GAA: variants seen among roughly 807,000 people sequenced by gnomAD.
The protein encoded by GAA is lysosomal alpha-glucosidase.
In GAA, 88 loss-of-function variants were observed where a neutral mutation model predicts 103.9. The observed-to-expected ratio is 0.85, with a 90% CI of 0.71 to 1.01. The LOEUF is 1.01. Among genes scored for constraint, GAA ranks in the 50% least tolerant of loss-of-function variants. GAA has a pLI of 0.00. For synonymous variants in GAA, 572 were observed against 563.1 expected (o/e 1.02, Z -0.22); for missense variants, 1,350 against 1,305.3 (o/e 1.03, Z -0.53).
intron 3 of GAA, 72 bp downstream of exon 3, chr17:80,105,966 A>G: frequency 6.6e-7 from 1 of 1,516,086 alleles, no homozygotes; most frequent in Non-Finnish European, 8.8e-7. Flanking sequence ...GGAGGGCCAC[A>G]CGCGTTTGTT....
chr17:80,118,798 A>G lies in GAA; in HGVS notation c.2792A>G (p.Asp931Gly), dbSNP rs1272217831. 1 of 1,613,114 alleles carries G rather than the reference A, an allele frequency of 6.2e-7. No individual in the cohort carries two copies. The highest frequency in any genetic ancestry group is 2.2e-5 in the East Asian group (1 of 44,870). The change falls in exon 19 of 20, where the codon GAC (aspartate) becomes GGC (glycine). Residue 931 changes from aspartate (D) to glycine (G), a missense_variant. Transcript: ENST00000302262. Reference protein sequence around the residue: ...VPVSNFTYSPDTKVLDICVSL... With the variant: ...VPVSNFTYSPGTKVLDICVSL... The stretch of plus-strand genomic sequence containing the variant: ...GTCTCCAACTTCACCTACAGCCCCG[A>G]CACCAAGGCAAGAGGGCCCAGAGTG...
rs182057081 is a variant in GAA, at chr17:80,104,107, A to C, written c.-32-448A>C. On this transcript the variant is annotated intron_variant, in intron 1 of 19. Transcript: ENST00000302262. This position sits in a 1 kb window ranked among gnomAD's most constrained non-coding sequence, Gnocchi z 4.0. The stretch of plus-strand genomic sequence containing the variant: ...GGCAAAATCCCGTCTCTACAAAAAT[A>C]CAGAAAATTAGCTGGGTGCGGTGGT... Among the ~76,000 whole-genome samples the C allele has an allele frequency of 6.3e-3, 955 of 152,238 alleles. 19 individuals are homozygous for C. Among genetic ancestry groups the C allele is most frequent in the Non-Finnish European group, 6.2e-3 (421 of 68,006 alleles).
rs1053461797 is a variant in GAA at position 80,119,618 on chromosome 17, G to A, written c.*287G>A. 11 of 431,584 alleles carry A rather than the reference G, an allele frequency of 2.5e-5. No individual in the cohort carries two copies. Among genetic ancestry groups the A allele is most frequent in the Admixed American group, 6.9e-5 (2 of 28,786 alleles). 26.7% of individuals were successfully genotyped at this position (431,584 alleles called of 1,614,324 possible). ...AGGTTTGCCCTCCTCACCTGTTGCC[G>A]GCATGCGGGTAGTATTAGCCACCCC... is the stretch of plus-strand genomic sequence containing the variant. On this transcript the variant is annotated 3_prime_UTR_variant, in exon 20 of 20. Transcript: ENST00000302262.
Position 80,107,334 on chromosome 17 carries a change from G to A in GAA, c.693-223G>A, listed in dbSNP as rs564016036. Among the ~76,000 whole-genome samples, 50 of 152,308 alleles carry A rather than the reference G, an allele frequency of 3.3e-4. 1 individual carries two copies. The highest frequency in any genetic ancestry group is 3.4e-3 in the Middle Eastern group (1 of 294). On this transcript the variant is annotated intron_variant, in intron 3 of 19. Transcript: ENST00000302262. ...GGGGTGGTGTGGGCCCAGCCAGGCG[G>A]TGCGCCTCTTCTGATATGCCCTGAG...
intron 18 of GAA, 130 bp from the exon 19 acceptor site, chr17:80,118,523 T>G: frequency 7.3e-7 from 1 of 1,379,178 alleles, no homozygotes. Flanking sequence ...ACTCTGCCCT[T>G]TCGTGTACAC....
rs930538612 is a variant in GAA at position 80,104,271 on chromosome 17, T to TAC, written c.-32-283_-32-282dup. Among the ~76,000 whole-genome samples, 2 of 152,162 alleles carry TAC rather than the reference T, an allele frequency of 1.3e-5. No individual in the cohort carries two copies. The highest frequency in any genetic ancestry group is 4.8e-5 in the African/African-American group (2 of 41,424). ...AGCTGTTTGGCCTGTTTCAAGTGTCTACCTGCCTTGCTGGTCTTCCTGGGG... is the reference window on the plus strand; with the variant it reads ...AGCTGTTTGGCCTGTTTCAAGTGTCTACACCTGCCTTGCTGGTCTTCCTGGGG... On this transcript the variant is annotated intron_variant, in intron 1 of 19. Transcript: ENST00000302262. This position sits in a 1 kb window ranked among gnomAD's most constrained non-coding sequence, Gnocchi z 4.0.
At chr17:80,110,109 G>A in intron 9 of GAA, 54 bp downstream of exon 9, 3 of 1,416,908 alleles carry the variant, frequency 2.1e-6, no homozygotes, top group Non-Finnish European at 3.0e-6. Flanking sequence ...TCCAGCCAGG[G>A]GGAGCCGGCA....
Position 80,109,871 on chromosome 17 carries a change from C to T in GAA, c.1327-74C>T, listed in dbSNP as rs184283085. On this transcript the variant is annotated intron_variant, in intron 8 of 19. Transcript: ENST00000302262. ...TGTCATCCCCAGCCTCATCCTCTCA[C>T]TGTCTCAGTTTTCCCCGTGGCTGGC... 512 of 1,064,012 alleles carry T rather than the reference C, an allele frequency of 4.8e-4. 2 individuals are homozygous for T. The African/African-American group carries it at 6.5e-3, about 13-fold the overall frequency. 65.9% of individuals were successfully genotyped at this position (1,064,012 alleles called of 1,614,324 possible). A position where few individuals can be genotyped will look rare whatever the true frequency, so the allele number is the denominator to read the frequency against.
chr17:80,110,089 A>G, intron 9 of GAA, 34 bp downstream of exon 9: 2 of 1,552,220 alleles, frequency 1.3e-6, no homozygotes, highest in Non-Finnish European at 1.8e-6. Context: ...GGGGTTAGAA[A>G]GCAGAGGCCT....
chr17:80,118,134 G>A lies in GAA; in HGVS notation c.2482-59G>A, dbSNP rs1240666579. On this transcript the variant is annotated intron_variant, in intron 17 of 19. Transcript: ENST00000302262. ...TACCAGCCTAGCATTCCCGGGCCCTGGAGGCCTCCACCTCCACCAGGGTGG... is the reference window on the plus strand; with the variant it reads ...TACCAGCCTAGCATTCCCGGGCCCTAGAGGCCTCCACCTCCACCAGGGTGG... 4 of 1,590,488 alleles carry A rather than the reference G, an allele frequency of 2.5e-6. No individual in the cohort carries two copies. The East Asian group carries it at 9.0e-5, about 36-fold the overall frequency.
rs62075593 is a variant in GAA at position 80,112,392 on chromosome 17, A to G, written c.1755-186A>G. ...GGCTGGGGGGGGTCCTGGCTCACCTACAGGCATCAGGTGGCCCAGACAGAG... is the reference window on the plus strand; with the variant it reads ...GGCTGGGGGGGGTCCTGGCTCACCTGCAGGCATCAGGTGGCCCAGACAGAG... On this transcript the variant is annotated intron_variant, in intron 12 of 19. Transcript: ENST00000302262. 22,679 of 738,518 alleles carry G rather than the reference A, an allele frequency of 0.031. 433 individuals carry two copies. The highest frequency in any genetic ancestry group is 0.036 in the Non-Finnish European group (16,105 of 445,748). The allele number at this position is 738,518 out of a possible 1,614,324, so 45.7% of individuals were successfully genotyped here. A position where few individuals can be genotyped will look rare whatever the true frequency, so the allele number is the denominator to read the frequency against.
intron 15 of GAA, among the ~76,000 whole-genome samples, chr17:80,116,213 C>T (rs1315211960): frequency 6.6e-6 from 1 of 152,226 alleles, no homozygotes; most frequent in Non-Finnish European, 1.5e-5. Flanking sequence ...ATAAGACTAT[C>T]CCTTGCTGGC....
chr17:80,117,182 G>A (rs2039373650), intron 16 of GAA, 73 bp downstream of exon 16: 4 of 1,527,636 alleles, frequency 2.6e-6, no homozygotes, highest in African/African-American at 1.4e-5. Flanking sequence ...CCTCCACCCA[G>A]TTGGTGTGAC....
intron 9 of GAA, 87 bp from the exon 10 acceptor site, chr17:80,110,640 C>T (rs1244596549): frequency 5.2e-6 from 6 of 1,148,518 alleles, no homozygotes; most frequent in African/African-American, 3.1e-5. Context: ...GTGAGGCTGC[C>T]CCTCTGCTCA....
chr17:80,119,617 C>A lies in GAA; in HGVS notation c.*286C>A. ...AAGGTTTGCCCTCCTCACCTGTTGC[C>A]GGCATGCGGGTAGTATTAGCCACCC... On this transcript the variant is annotated 3_prime_UTR_variant, in exon 20 of 20. Coordinates refer to ENST00000302262, the MANE Select transcript of GAA (RefSeq NM_000152.5). 2.3e-6 allele frequency: 1 copy of A among 432,616 alleles called. No individual in the cohort carries two copies. The highest frequency in any genetic ancestry group is 4.3e-6 in the Non-Finnish European group (1 of 229,956). 26.8% of individuals were successfully genotyped at this position (432,616 alleles called of 1,614,324 possible). A position where few individuals can be genotyped will look rare whatever the true frequency, so the allele number is the denominator to read the frequency against.
Position 80,107,590 on chromosome 17 carries a change from G to A in GAA, c.726G>A (p.Ala242=), listed in dbSNP as rs148578399. 1.8e-4 allele frequency: 287 copies of A among 1,613,124 alleles called. No individual in the cohort carries two copies. The African/African-American group carries it at 2.8e-3, about 16-fold the overall frequency. The change falls in exon 4 of 20, where the codon GCG becomes GCA. Residue 242 remains alanine, a synonymous_variant. Transcript: ENST00000302262. ...LNTTVAPLFF[A]DQFLQLSTSL... The stretch of plus-strand genomic sequence containing the variant: ...CGACGGTGGCGCCCCTGTTCTTTGC[G>A]GACCAGTTCCTTCAGCTGTCCACCT...
Position 80,110,747 on chromosome 17 carries a change from C to T in GAA, c.1458C>T (p.Ala486=), listed in dbSNP as rs1051768479. ...TCCAGGTATGGCCCGGGTCCACTGCCTTCCCCGACTTCACCAACCCCACAG... is the reference window on the plus strand; with the variant it reads ...TCCAGGTATGGCCCGGGTCCACTGCTTTCCCCGACTTCACCAACCCCACAG... The part of the protein sequence containing the change: ...LIGKVWPGST[A]FPDFTNPTAL... Residue 486 remains alanine, a synonymous_variant, in exon 10 of 20, where the codon GCC becomes GCT. Coordinates refer to ENST00000302262, the MANE Select transcript of GAA (RefSeq NM_000152.5). 22 of 1,613,968 alleles carry T rather than the reference C, an allele frequency of 1.4e-5. No individual in the cohort carries two copies. Among genetic ancestry groups the T allele is most frequent in the Non-Finnish European group, 1.8e-5 (21 of 1,180,026 alleles).
chr17:80,116,961 C>T lies in GAA; in HGVS notation c.2190-7C>T. On this transcript the variant is annotated splice_region_variant and splice_polypyrimidine_tract_variant and intron_variant, in intron 15 of 19. Coordinates refer to ENST00000302262, the MANE Select transcript of GAA (RefSeq NM_000152.5). The stretch of plus-strand genomic sequence containing the variant: ...CCCGTATGCCTGTGTGCCCATCCCC[C>T]TTGCAGGTTCCCCAAGGACTCTAGC... The T allele has an allele frequency of 6.2e-7, 1 of 1,613,718 alleles. No individual in the cohort carries two copies. The highest frequency in any genetic ancestry group is 2.2e-5 in the East Asian group (1 of 44,882).
intron 10 of GAA, 48 bp from the exon 11 acceptor site, chr17:80,110,893 C>T (rs763403772): frequency 6.2e-7 from 1 of 1,613,068 alleles, no homozygotes; most frequent in Admixed American, 1.7e-5. Flanking sequence ...ACTACCCCAC[C>T]CTCCTCACTC....
Sources: allele counts gnomAD v4.1 joint callset (sites outside exome capture counted in the v4.1 genomes callset), GRCh38; gene constraint gnomAD v4.1.1; non-coding constraint Gnocchi (gnomAD v3.1); transcripts MANE v1.5; gene names NCBI Gene and HGNC (gene_info 2026-07-23, HGNC 2026-07-21).